MATN2: variants seen among roughly 807,000 people sequenced by gnomAD.
MATN2 encodes matrilin 2, also known as matrilin-2.
In MATN2, 69 loss-of-function variants were observed where a neutral mutation model predicts 103.2. The ratio of observed to expected loss-of-function variants is 0.67; its 90% CI spans 0.55 to 0.82. The LOEUF (loss-of-function observed/expected upper bound fraction) is 0.82. MATN2 is among the 40% of genes least tolerant of loss of function. The pLI, the probability that MATN2 is intolerant of heterozygous loss-of-function variation, is 0.00. For synonymous variants in MATN2, 429 were observed against 450.2 expected (o/e 0.95, Z 0.60); for missense variants, 1,023 against 1,211.5 (o/e 0.84, Z 2.31).
intron 2 of MATN2, among the ~76,000 whole-genome samples, chr8:97,923,037 G>A (rs1435946699): frequency 3.9e-5 from 6 of 152,174 alleles, no homozygotes; most frequent in African/African-American, 1.4e-4. Context: ...ATTAGGGTCA[G>A]TCGTTTGCCT....
At chr8:98,030,251 G>A (rs540223530) in intron 14 of MATN2, among the ~76,000 whole-genome samples, 161 of 152,248 alleles carry the variant, frequency 1.1e-3, no homozygotes, top group Middle Eastern at 3.4e-3. Flanking sequence ...GTTCCCCAGC[G>A]TCTCCCAGAT....
At chr8:97,880,816 C>G (rs896189795) in intron 1 of MATN2, among the ~76,000 whole-genome samples, 2 of 152,162 alleles carry the variant, frequency 1.3e-5, no homozygotes, top group African/African-American at 4.8e-5. Flanking sequence ...ATCCTGGCCT[C>G]AAGTGATGCA....
At chr8:97,899,045 C>A (rs1388621365) in intron 2 of MATN2, among the ~76,000 whole-genome samples, 2 of 152,102 alleles carry the variant, frequency 1.3e-5, no homozygotes, top group African/African-American at 4.8e-5. Context: ...CATAAACCAC[C>A]ACACCCCGCC....
At chr8:97,899,749 G>A (rs776174863) in intron 2 of MATN2, among the ~76,000 whole-genome samples, 1 of 152,156 alleles carries the variant, frequency 6.6e-6, no homozygotes, top group Non-Finnish European at 1.5e-5. Flanking sequence ...TATGAATCGC[G>A]GGCAGGGAGA....
chr8:97,920,345 T>A (rs1809772297), intron 2 of MATN2, among the ~76,000 whole-genome samples: 1 of 152,254 alleles, frequency 6.6e-6, no homozygotes, highest in African/African-American at 2.4e-5. Context: ...GTAGCTGGGA[T>A]TAGAGGGGCA....
intron 6 of MATN2, among the ~76,000 whole-genome samples, chr8:97,988,784 T>A (rs948060194): frequency 3.3e-5 from 5 of 152,068 alleles, no homozygotes; most frequent in African/African-American, 1.2e-4. Flanking sequence ...TCATACTAAT[T>A]CTACACAAAT....
chr8:97,975,971 C>CT (rs1811822731), intron 5 of MATN2, among the ~76,000 whole-genome samples: 1 of 152,194 alleles, frequency 6.6e-6, no homozygotes. Flanking sequence ...TATGACTCAA[C>CT]TCTAGCAACC....
At chr8:98,019,366 A>T (rs1238277155) in intron 12 of MATN2, among the ~76,000 whole-genome samples, 1 of 152,186 alleles carries the variant, frequency 6.6e-6, no homozygotes, top group East Asian at 1.9e-4. Flanking sequence ...CTGCAGCCCA[A>T]GTCTGAAGGC....
chr8:97,881,913 C>CTTTTTTTTTTTTTTTTTTTTTT (rs34704905), intron 1 of MATN2, among the ~76,000 whole-genome samples: 1 of 84,090 alleles, frequency 1.2e-5, no homozygotes, highest in African/African-American at 4.6e-5. Context: ...TATTACTTAT[C>CTTTTTTTTTTTTTTTTTTTTTT]TTTTTTTTTT....
intron 6 of MATN2, among the ~76,000 whole-genome samples, chr8:97,979,569 T>A (rs906949326): frequency 1.3e-5 from 2 of 152,142 alleles, no homozygotes; most frequent in African/African-American, 4.8e-5. Context: ...AAACTAAAGA[T>A]GATCATTAGT....
intron 2 of MATN2, among the ~76,000 whole-genome samples, chr8:97,926,932 G>C (rs1357138283): frequency 1.3e-5 from 2 of 152,108 alleles, no homozygotes; most frequent in African/African-American, 4.8e-5. Context: ...CCTAACCTTG[G>C]GGAATTCCCA....
At chr8:97,881,236 G>C (rs1818243526) in intron 1 of MATN2, among the ~76,000 whole-genome samples, 1 of 152,200 alleles carries the variant, frequency 6.6e-6, no homozygotes, top group African/African-American at 2.4e-5. Context: ...TTTAGATTGA[G>C]AAACTTGGCT....
Position 98,007,236 on chromosome 8 carries a change from C to G in MATN2, c.1450+9C>G. On this transcript the variant is annotated intron_variant, in intron 9 of 18. Coordinates refer to ENST00000254898, the MANE Select transcript of MATN2 (RefSeq NM_002380.5). This position sits in a 1 kb window ranked among gnomAD's most constrained non-coding sequence, Gnocchi z 4.2. ...CCTCAAGACCTGCTCCCGTGAGTCCCTCCGCGCTCCTCTCATAGGGGAAGG... is the reference window on the plus strand; with the variant it reads ...CCTCAAGACCTGCTCCCGTGAGTCCGTCCGCGCTCCTCTCATAGGGGAAGG... 1 of 1,613,692 alleles carries G rather than the reference C, an allele frequency of 6.2e-7. No homozygotes were observed. The highest frequency in any genetic ancestry group is 1.1e-5 in the South Asian group (1 of 91,064).
intron 5 of MATN2, among the ~76,000 whole-genome samples, chr8:97,964,760 G>C (rs545401310): frequency 6.6e-6 from 1 of 151,660 alleles, no homozygotes; most frequent in Admixed American, 6.6e-5. Context: ...TTTAGACAGG[G>C]TCTCACTCTG....
At chr8:97,900,503 C>A (rs945368349) in intron 2 of MATN2, among the ~76,000 whole-genome samples, 2 of 152,160 alleles carry the variant, frequency 1.3e-5, no homozygotes, top group Non-Finnish European at 2.9e-5. Context: ...AAGTAAACTG[C>A]GGAGGAATTT....
At chr8:97,934,944 A>G (rs545548754) in intron 3 of MATN2, among the ~76,000 whole-genome samples, 31 of 152,344 alleles carry the variant, frequency 2.0e-4, no homozygotes, top group African/African-American at 6.7e-4. Context: ...TCCTTTTGGC[A>G]TAGTGATTTG....
chr8:97,907,434 C>T (rs1264099878), intron 2 of MATN2, among the ~76,000 whole-genome samples: 1 of 151,802 alleles, frequency 6.6e-6, no homozygotes, highest in East Asian at 1.9e-4. Context: ...GCCTCAGCCT[C>T]CCAAGTAGCT....
intron 14 of MATN2, among the ~76,000 whole-genome samples, chr8:98,029,998 G>A (rs2290468): frequency 0.15 from 23,255 of 152,190 alleles, 1,820 homozygotes; most frequent in Middle Eastern, 0.19. Context: ...CTTAGCAGAA[G>A]TGGGCAAAAA....
chr8:97,926,694 A>T (rs1810000275), intron 2 of MATN2, among the ~76,000 whole-genome samples: 1 of 152,218 alleles, frequency 6.6e-6, no homozygotes, highest in Non-Finnish European at 1.5e-5. Flanking sequence ...CCCTCATAAA[A>T]TGGCAAAGAT....
Sources: allele counts gnomAD v4.1 joint callset (sites outside exome capture counted in the v4.1 genomes callset), GRCh38; gene constraint gnomAD v4.1.1; non-coding constraint Gnocchi (gnomAD v3.1); transcripts MANE v1.5; gene names NCBI Gene and HGNC (gene_info 2026-07-23, HGNC 2026-07-21).